The following TMOD2 variants were observed in gnomAD, a reference collection of about 807,000 sequenced individuals.
TMOD2 encodes the protein tropomodulin-2.
In TMOD2, 22 loss-of-function variants were observed where a neutral mutation model predicts 39.9. The observed-to-expected ratio is 0.55, with a 90% confidence interval of 0.39 to 0.79. The LOEUF (loss-of-function observed/expected upper bound fraction) is 0.79, where lower values mean the gene tolerates loss of function less well. Among genes scored for constraint, TMOD2 ranks in the 30% least tolerant of loss-of-function variants. The pLI is 0.00. For missense variants in TMOD2, 386 were observed against 413.3 expected (o/e 0.93, Z 0.57); for synonymous variants, 123 against 146.1 (o/e 0.84, Z 1.14).
chr15:51,773,860 C>T (rs1567238467), intron 4 of TMOD2, 26 bp downstream of exon 4: 2 of 1,588,946 alleles, frequency 1.3e-6, no homozygotes, highest in South Asian at 2.3e-5. Flanking sequence ...TGGGAACTTT[C>T]CTGTCTGGCT....
At chr15:51,756,686 G>T (rs1032404139) in intron 1 of TMOD2, among the ~76,000 whole-genome samples, 3 of 152,206 alleles carry the variant, frequency 2.0e-5, no homozygotes, top group Non-Finnish European at 4.4e-5. Flanking sequence ...TGTGTTGTAA[G>T]ATTGGGAAAT....
In TMOD2 at chr15:51,802,326, A is replaced by G. The variant is rs375107478; in HGVS notation, c.876+3986A>G. On this transcript the variant is annotated intron_variant, in intron 8 of 9. Transcript: ENST00000249700. ...AAAGCAGAGTTGGTGTTTCTGTTTC[A>G]CTACTTTGCCAGAATGTCATCCAAG... Among the ~76,000 whole-genome samples, 40 of 152,286 alleles carry G rather than the reference A, an allele frequency of 2.6e-4. 2 individuals are homozygous for G. The highest frequency in any genetic ancestry group is 2.1e-3 in the East Asian group (11 of 5,182).
At chr15:51,784,527 C>G (rs2055955395) in intron 7 of TMOD2, 1 of 152,170 alleles carries the variant, frequency 6.6e-6, no homozygotes, top group African/African-American at 2.4e-5. Flanking sequence ...CTATGGTGAT[C>G]ACAGCAAACT....
chr15:51,781,251 G>T, intron 6 of TMOD2, 77 bp downstream of exon 6: 1 of 1,345,322 alleles, frequency 7.4e-7, no homozygotes, highest in Admixed American at 2.3e-5. Flanking sequence ...CCTATTGCTT[G>T]TTTTCACACC....
rs150819751 is a variant in TMOD2, at chr15:51,807,865, C to T, written c.1022-555C>T. On this transcript the variant is annotated intron_variant, in intron 9 of 9. Transcript: ENST00000249700. The stretch of plus-strand genomic sequence containing the variant: ...TGCAGGAACTGGGAAACGGCAGTCT[C>T]GGCAACTTCTTCGGTTCTAAACATC... Among the ~76,000 whole-genome samples, 260 of 152,260 alleles carry T rather than the reference C, an allele frequency of 1.7e-3. 11 individuals are homozygous for T. Among genetic ancestry groups the T allele is most frequent in the East Asian group, 0.017 (86 of 5,180 alleles).
intron 1 of TMOD2, among the ~76,000 whole-genome samples, chr15:51,759,582 G>T (rs1198966025): frequency 6.6e-6 from 1 of 152,174 alleles, no homozygotes; most frequent in Non-Finnish European, 1.5e-5. Flanking sequence ...AACCATCTAT[G>T]TTGCTGGATT....
chr15:51,813,460 C>T lies in TMOD2; in HGVS notation c.*5006C>T, dbSNP rs1248101041. On this transcript the variant is annotated 3_prime_UTR_variant, in exon 10 of 10. Transcript: ENST00000249700. The stretch of plus-strand genomic sequence containing the variant: ...AACTAACTAGATGTTCTTCTGATCT[C>T]TTCCATGGTAGACATTCTGAGCACA... 1 of 152,198 alleles carries T rather than the reference C, an allele frequency of 6.6e-6. No homozygotes were observed. Among genetic ancestry groups the T allele is most frequent in the Non-Finnish European group, 1.5e-5 (1 of 68,036 alleles). The allele number at this position is 152,198 out of a possible 1,614,324, so 9.4% of individuals were successfully genotyped here. A position where few individuals can be genotyped will look rare whatever the true frequency, so the allele number is the denominator to read the frequency against.
At chr15:51,806,810 A>C (rs1567249674) in intron 9 of TMOD2, among the ~76,000 whole-genome samples, 1 of 152,172 alleles carries the variant, frequency 6.6e-6, no homozygotes, top group Non-Finnish European at 1.5e-5. Flanking sequence ...ACTTACATGT[A>C]ATCTCCTTCT....
At chr15:51,798,880 T>C (rs1438314499) in intron 8 of TMOD2, among the ~76,000 whole-genome samples, 2 of 152,226 alleles carry the variant, frequency 1.3e-5, no homozygotes, top group Non-Finnish European at 2.9e-5. Context: ...TTCTAGAAGA[T>C]GGTCTGGCTT....
At chr15:51,756,054 C>G (rs7174808) in intron 1 of TMOD2, among the ~76,000 whole-genome samples, 61,455 of 151,822 alleles carry the variant, frequency 0.4, 12,588 homozygotes, top group Middle Eastern at 0.46. Flanking sequence ...AAATAGAGGT[C>G]AAGCAAGAGG....
At chr15:51,801,774 T>A (rs1595878843) in intron 8 of TMOD2, among the ~76,000 whole-genome samples, 1 of 152,146 alleles carries the variant, frequency 6.6e-6, no homozygotes, top group Non-Finnish European at 1.5e-5. Context: ...GCTTAAACAT[T>A]TGTTTCTATT....
At chr15:51,801,643 G>A (rs1268091584) in intron 8 of TMOD2, among the ~76,000 whole-genome samples, 2 of 152,174 alleles carry the variant, frequency 1.3e-5, no homozygotes, top group African/African-American at 2.4e-5. Flanking sequence ...ATTTAATCAG[G>A]TGCCCCCATG....
intron 4 of TMOD2, among the ~76,000 whole-genome samples, chr15:51,776,002 A>G (rs1207906426): frequency 2.6e-5 from 4 of 152,200 alleles, no homozygotes; most frequent in Non-Finnish European, 5.9e-5. Context: ...CAGATGAGGA[A>G]ACGGAGACTC....
rs1334489026 is a variant in TMOD2, at chr15:51,801,233, T to TCACA, written c.876+2894_876+2895insACAC. Among the ~76,000 whole-genome samples, 260 of 97,088 alleles carry TCACA rather than the reference T, an allele frequency of 2.7e-3. 3 individuals are homozygous for TCACA. Among genetic ancestry groups the TCACA allele is most frequent in the African/African-American group, 1.0e-2 (222 of 22,206 alleles). The allele number at this position is 97,088 out of a possible 152,430, so 63.7% of individuals were successfully genotyped here. ...TTCTCTCTCCCTCTCTCTCTCTCTCTCTCTCACACACACACACACACACAC... is the reference window on the plus strand; with the variant it reads ...TTCTCTCTCCCTCTCTCTCTCTCTCTCACACTCTCACACACACACACACACACAC... On this transcript the variant is annotated intron_variant, in intron 8 of 9. Transcript: ENST00000249700.
At chr15:51,757,207 G>A (rs530121592) in intron 1 of TMOD2, among the ~76,000 whole-genome samples, 4 of 152,232 alleles carry the variant, frequency 2.6e-5, no homozygotes, top group East Asian at 3.9e-4. Context: ...CTCGAGACCA[G>A]CCTGGCCAAC....
chr15:51,795,825 A>G (rs2056047502), intron 7 of TMOD2, among the ~76,000 whole-genome samples: 1 of 151,236 alleles, frequency 6.6e-6, no homozygotes. Context: ...GATGTCTATT[A>G]TTTTCTTTTA....
chr15:51,752,500 C>T (rs1195583629), intron 1 of TMOD2: 2 of 152,210 alleles, frequency 1.3e-5, no homozygotes, highest in African/African-American at 4.8e-5. Context: ...ATATCTGAAT[C>T]ACGAGGCATT....
At chr15:51,754,833 T>C (rs888399099) in intron 1 of TMOD2, among the ~76,000 whole-genome samples, 3 of 152,220 alleles carry the variant, frequency 2.0e-5, no homozygotes, top group Admixed American at 1.3e-4. Flanking sequence ...ATGTGATATG[T>C]AATGTTTCCC....
chr15:51,784,121 C>A (rs1300478384), intron 7 of TMOD2: 2 of 152,190 alleles, frequency 1.3e-5, no homozygotes, highest in Non-Finnish European at 2.9e-5. Context: ...CAAGGTAATA[C>A]AACCAGTAAA....
Sources: allele counts gnomAD v4.1 joint callset (sites outside exome capture counted in the v4.1 genomes callset), GRCh38; gene constraint gnomAD v4.1.1; transcripts MANE v1.5; gene names NCBI Gene and HGNC (gene_info 2026-07-23, HGNC 2026-07-21).